Variants in PTPRD observed in about 807,000 individuals in gnomAD.
PTPRD encodes receptor-type tyrosine-protein phosphatase delta.
In PTPRD, 34 loss-of-function variants were observed where a neutral mutation model predicts 214.5. The observed-to-expected ratio is 0.16, with a 90% confidence interval of 0.12 to 0.21. The LOEUF (loss-of-function observed/expected upper bound fraction) is 0.21, where lower values mean the gene tolerates loss of function less well. PTPRD is among the 10% of genes least tolerant of loss of function. PTPRD has a pLI of 1.00. For synonymous variants in PTPRD, 1,128 were observed against 845.7 expected (o/e 1.33, Z -5.79); for missense variants, 2,545 against 2,398.7 (o/e 1.06, Z -1.27).
intron 2 of PTPRD, among the ~76,000 whole-genome samples, chr9:10,499,529 A>T (rs2043049992): frequency 1.3e-5 from 2 of 152,052 alleles, no homozygotes; most frequent in African/African-American, 4.8e-5. Context: ...GTCAAATGTG[A>T]CTAATGAAAA....
At chr9:9,706,430 T>C (rs1029271090) in intron 7 of PTPRD, among the ~76,000 whole-genome samples, 1 of 152,034 alleles carries the variant, frequency 6.6e-6, no homozygotes, top group Non-Finnish European at 1.5e-5. Flanking sequence ...CACATCACCG[T>C]ACTTTTGCTA....
intron 12 of PTPRD, among the ~76,000 whole-genome samples, chr9:8,662,129 C>A (rs2097070607): frequency 6.6e-6 from 1 of 151,976 alleles, no homozygotes; most frequent in Non-Finnish European, 1.5e-5. Flanking sequence ...TACAGAAGAA[C>A]AATAACTTAT....
Position 10,285,406 on chromosome 9 carries a change from C to G in PTPRD, c.-545+55557G>C, listed in dbSNP as rs956070613. On this transcript the variant is annotated intron_variant, in intron 3 of 45. Transcript: ENST00000381196. ...TCAAAATGTTGCATATTCCCAAGTGCAATTTCATTCTTTGTGGCAAAACAC... is the reference window on the plus strand; with the variant it reads ...TCAAAATGTTGCATATTCCCAAGTGGAATTTCATTCTTTGTGGCAAAACAC... Among the ~76,000 whole-genome samples, 5 of 152,032 alleles carry G rather than the reference C, an allele frequency of 3.3e-5. No individual in the cohort carries two copies. In the East Asian group the frequency reaches 9.7e-4, roughly 29 times the overall value.
chr9:9,028,824 C>T (rs2099595516), intron 10 of PTPRD, among the ~76,000 whole-genome samples: 1 of 151,774 alleles, frequency 6.6e-6, no homozygotes. Flanking sequence ...GGGAAGTTTG[C>T]CCAGGCGAGT....
intron 10 of PTPRD, among the ~76,000 whole-genome samples, chr9:9,126,017 T>C (rs2154470871): frequency 6.6e-6 from 1 of 152,168 alleles, no homozygotes; most frequent in Middle Eastern, 3.4e-3. Context: ...GAATGGAGGG[T>C]ATCATGCCTA....
intron 14 of PTPRD, among the ~76,000 whole-genome samples, chr9:8,566,352 T>A (rs916194961): frequency 6.6e-6 from 1 of 152,170 alleles, no homozygotes; most frequent in Non-Finnish European, 1.5e-5. Context: ...TTCACTCATG[T>A]TCCTAAGTAA....
In PTPRD at chr9:8,991,143, C is replaced by T. The variant is rs138054771; in HGVS notation, c.-104+27554G>A. Among the ~76,000 whole-genome samples, 714 of 149,386 alleles carry T rather than the reference C, an allele frequency of 4.8e-3. 7 individuals are homozygous for T. The highest frequency in any genetic ancestry group is 0.016 in the African/African-American group (663 of 40,386). ...CTGAGGCAGGAGAATCACTTGAACA[C>T]GGGAGGTGGAGGCTGCAGTGAGCTG... On this transcript the variant is annotated intron_variant, in intron 11 of 45. Transcript: ENST00000381196.
intron 13 of PTPRD, among the ~76,000 whole-genome samples, chr9:8,635,715 A>C (rs1023115143): frequency 6.6e-6 from 1 of 152,148 alleles, no homozygotes; most frequent in African/African-American, 2.4e-5. Context: ...AGGAGATTAG[A>C]AACTCAGGTA....
chr9:8,696,005 C>T (rs890284949), intron 12 of PTPRD, among the ~76,000 whole-genome samples: 3 of 152,178 alleles, frequency 2.0e-5, no homozygotes, highest in Non-Finnish European at 2.9e-5. Flanking sequence ...TATAGGATTT[C>T]TATTTGATTG....
At chr9:9,227,111 G>C (rs1010069089) in intron 9 of PTPRD, among the ~76,000 whole-genome samples, 1 of 152,066 alleles carries the variant, frequency 6.6e-6, no homozygotes, top group Non-Finnish European at 1.5e-5. Context: ...TACAGGAAAA[G>C]AGGCTTACAA....
At chr9:9,572,025 TA>T (rs1396055995) in intron 8 of PTPRD, among the ~76,000 whole-genome samples, 1 of 150,944 alleles carries the variant, frequency 6.6e-6, no homozygotes, top group Non-Finnish European at 1.5e-5. Context: ...AAATAGGACA[TA>T]AAAAACTTTG....
chr9:10,187,516 A>G (rs967162317), intron 3 of PTPRD, among the ~76,000 whole-genome samples: 4 of 152,196 alleles, frequency 2.6e-5, no homozygotes, highest in African/African-American at 9.7e-5. Flanking sequence ...CTATTTACTG[A>G]GAGCTTTGAA....
chr9:8,921,835 G>A (rs1283903893), intron 11 of PTPRD, among the ~76,000 whole-genome samples: 1 of 152,040 alleles, frequency 6.6e-6, no homozygotes, highest in East Asian at 1.9e-4. Context: ...ATAATCTTGG[G>A]GGAGCCATTG....
intron 2 of PTPRD, among the ~76,000 whole-genome samples, chr9:10,468,886 A>G (rs2051635538): frequency 6.6e-6 from 1 of 152,214 alleles, no homozygotes. Context: ...AAGAAAGGTC[A>G]TATATTCTTG....
chr9:8,948,021 CTTTTTT>C (rs34611971), intron 11 of PTPRD, among the ~76,000 whole-genome samples: 1 of 119,452 alleles, frequency 8.4e-6, no homozygotes. Flanking sequence ...CTCTCTCTCT[CTTTTTT>C]TTTTTTTTTT....
chr9:8,570,934 A>G (rs928353789), intron 14 of PTPRD, among the ~76,000 whole-genome samples: 8 of 151,970 alleles, frequency 5.3e-5, no homozygotes, highest in Admixed American at 4.6e-4. Flanking sequence ...GGTACAGACC[A>G]GGCAGGCAGT....
intron 3 of PTPRD, among the ~76,000 whole-genome samples, chr9:10,035,600 C>A (rs889818483): frequency 6.6e-6 from 1 of 151,866 alleles, no homozygotes; most frequent in Non-Finnish European, 1.5e-5. Context: ...TCTGGCTCTT[C>A]TTACTTCCCT....
intron 10 of PTPRD, among the ~76,000 whole-genome samples, chr9:9,105,590 G>T (rs1333917306): frequency 6.6e-6 from 1 of 152,106 alleles, no homozygotes; most frequent in African/African-American, 2.4e-5. Flanking sequence ...GTCATTTGTG[G>T]CTCTCACAAG....
At chr9:10,246,536 C>T (rs2092138070) in intron 3 of PTPRD, among the ~76,000 whole-genome samples, 1 of 152,142 alleles carries the variant, frequency 6.6e-6, no homozygotes, top group African/African-American at 2.4e-5. Context: ...AGCCACCGCA[C>T]CTGGCCAAGA....
Sources: gnomAD v4.1 joint callset for allele counts (sites outside exome capture counted in the v4.1 genomes callset) on GRCh38, gnomAD v4.1.1 for gene constraint, MANE v1.5 for transcripts, NCBI Gene and HGNC (gene_info 2026-07-23, HGNC 2026-07-21) for gene names.